MGMT: variants seen among roughly 807,000 people sequenced by gnomAD.
MGMT encodes the protein methylated-DNA--protein-cysteine methyltransferase.
Under a neutral mutation model 15.9 loss-of-function variants are expected in MGMT, and 14 were observed. That is an observed-to-expected ratio of 0.88 (90% CI 0.58 to 1.37). MGMT has a LOEUF of 1.37. MGMT is among the 40% of genes most tolerant of loss of function. The pLI, the probability that MGMT is intolerant of heterozygous loss-of-function variation, is 0.00. For missense variants in MGMT, 282 were observed against 268.1 expected, an observed-to-expected ratio of 1.05 and a Z score of -0.36; for synonymous variants, 130 against 118.2, an observed-to-expected ratio of 1.10 and a Z score of -0.65.
chr10:129,525,486 A>T (rs1845859206), intron 1 of MGMT, among the ~76,000 whole-genome samples: 1 of 152,182 alleles, frequency 6.6e-6, no homozygotes, highest in African/African-American at 2.4e-5. Context: ...GAGCCCTTTA[A>T]TAAGACGCAC....
At chr10:129,561,313 C>A (rs537005941) in intron 2 of MGMT, among the ~76,000 whole-genome samples, 183 of 152,146 alleles carry the variant, frequency 1.2e-3, no homozygotes, top group African/African-American at 4.3e-3. Flanking sequence ...AGGGGTGGGT[C>A]AGGGTGCAGG....
chr10:129,724,926 G>T (rs977705025), intron 3 of MGMT, among the ~76,000 whole-genome samples: 21 of 152,146 alleles, frequency 1.4e-4, no homozygotes, highest in African/African-American at 5.1e-4. Context: ...ACCTAGTATG[G>T]CCTCAGCGAG....
chr10:129,584,619 C>A (rs1846598023), intron 2 of MGMT, among the ~76,000 whole-genome samples: 1 of 152,044 alleles, frequency 6.6e-6, no homozygotes, highest in Admixed American at 6.6e-5. Flanking sequence ...AAAAAAGGGA[C>A]CCCAGACCTA....
rs971617041 is a variant in MGMT, at chr10:129,556,185, G to A, written c.125+19808G>A. ...CTCACAGAGACCAAGCAGTGCTTTCGGGATCGCTCTGTTGGTCTCTGTGTA... is the reference window on the plus strand; with the variant it reads ...CTCACAGAGACCAAGCAGTGCTTTCAGGATCGCTCTGTTGGTCTCTGTGTA... On this transcript the variant is annotated intron_variant, in intron 2 of 4. Coordinates refer to ENST00000651593, the MANE Select transcript of MGMT (RefSeq NM_002412.5). This position sits in a 1 kb window ranked among gnomAD's most constrained non-coding sequence, Gnocchi z 4.3. Among the ~76,000 whole-genome samples the A allele has an allele frequency of 2.0e-5, 3 of 152,132 alleles. No individual in the cohort carries two copies. The highest frequency in any genetic ancestry group is 2.9e-5 in the Non-Finnish European group (2 of 68,040).
intron 2 of MGMT, among the ~76,000 whole-genome samples, chr10:129,542,308 C>T (rs1012429042): frequency 1.4e-4 from 21 of 152,282 alleles, no homozygotes; most frequent in South Asian, 6.2e-4. Context: ...ACGGCCTCTC[C>T]GTGCAGGTCG....
intron 1 of MGMT, among the ~76,000 whole-genome samples, chr10:129,523,195 G>A (rs1292372762): frequency 1.3e-5 from 2 of 152,212 alleles, no homozygotes; most frequent in African/African-American, 2.4e-5. Flanking sequence ...TGAGATGTGC[G>A]ACCCGGCGGG....
intron 1 of MGMT, among the ~76,000 whole-genome samples, chr10:129,531,249 C>T (rs887641771): frequency 1.3e-5 from 2 of 152,086 alleles, no homozygotes; most frequent in African/African-American, 2.4e-5. Flanking sequence ...TATTACTGTG[C>T]GGGCTGTTGG....
chr10:129,493,465 AT>A (rs1460675323), intron 1 of MGMT, among the ~76,000 whole-genome samples: 1 of 152,170 alleles, frequency 6.6e-6, no homozygotes, highest in Non-Finnish European at 1.5e-5. Context: ...ACTTTGAAAC[AT>A]TGCCATTTAT....
At chr10:129,467,767 T>G (rs907134207) in intron 1 of MGMT, among the ~76,000 whole-genome samples, 2 of 152,228 alleles carry the variant, frequency 1.3e-5, no homozygotes, top group East Asian at 1.9e-4. Context: ...CTGGTTACTA[T>G]GGCTGGTGTT....
intron 2 of MGMT, among the ~76,000 whole-genome samples, chr10:129,583,361 G>A (rs1846579625): frequency 6.6e-6 from 1 of 152,216 alleles, no homozygotes; most frequent in Non-Finnish European, 1.5e-5. Context: ...TTGGGGTTCT[G>A]TGGAAATTTA....
At chr10:129,760,105 G>C (rs1416987766) in intron 4 of MGMT, among the ~76,000 whole-genome samples, 3 of 152,268 alleles carry the variant, frequency 2.0e-5, no homozygotes, top group Admixed American at 2.0e-4. Context: ...AGCGTGGCCT[G>C]TGGTGCCTGG....
chr10:129,712,929 G>A (rs954530129), intron 3 of MGMT, among the ~76,000 whole-genome samples: 1 of 152,128 alleles, frequency 6.6e-6, no homozygotes, highest in Admixed American at 6.5e-5. Context: ...CCTCACCCGA[G>A]GGTCCTAGGG....
chr10:129,638,429 C>CAAAAAAAAAAA, intron 2 of MGMT, among the ~76,000 whole-genome samples: 778 of 61,080 alleles, frequency 0.013, 37 homozygotes, highest in East Asian at 0.022. Flanking sequence ...ACCAAAGAGG[C>CAAAAAAAAAAA]AAAAAAAAAA....
chr10:129,696,855 C>T (rs1415976060), intron 2 of MGMT, among the ~76,000 whole-genome samples: 5 of 152,258 alleles, frequency 3.3e-5, no homozygotes, highest in African/African-American at 1.2e-4. Flanking sequence ...CTCACCTGTG[C>T]ATTCGTCAAG....
chr10:129,534,053 G>A (rs185366816), intron 1 of MGMT, among the ~76,000 whole-genome samples: 4 of 152,288 alleles, frequency 2.6e-5, no homozygotes, highest in African/African-American at 9.6e-5. Flanking sequence ...CCTGGTCTTT[G>A]CATACGTTCC....
At chr10:129,535,432 G>A (rs1002631406) in intron 1 of MGMT, among the ~76,000 whole-genome samples, 1 of 152,176 alleles carries the variant, frequency 6.6e-6, no homozygotes, top group African/African-American at 2.4e-5. Context: ...TGTAAAGGTA[G>A]CCTATAGATG....
At chr10:129,540,687 C>T (rs561736561) in intron 2 of MGMT, among the ~76,000 whole-genome samples, 2 of 152,370 alleles carry the variant, frequency 1.3e-5, no homozygotes, top group East Asian at 3.9e-4. Flanking sequence ...GAATTAGTCT[C>T]ATTCTGATGA....
intron 2 of MGMT, among the ~76,000 whole-genome samples, chr10:129,705,898 A>T (rs1848154780): frequency 6.6e-6 from 1 of 152,010 alleles, no homozygotes; most frequent in South Asian, 2.1e-4. Flanking sequence ...GGCCAGGGCA[A>T]CAGCCCCATC....
intron 2 of MGMT, among the ~76,000 whole-genome samples, chr10:129,606,466 T>C (rs1846892110): frequency 6.6e-6 from 1 of 152,210 alleles, no homozygotes; most frequent in African/African-American, 2.4e-5. Context: ...GGGAGGCCCC[T>C]GAGGTCTCTG....
Sources: gnomAD v4.1 joint callset for allele counts (sites outside exome capture counted in the v4.1 genomes callset) on GRCh38, gnomAD v4.1.1 for gene constraint, Gnocchi (gnomAD v3.1) non-coding constraint, MANE v1.5 for transcripts, NCBI Gene and HGNC (gene_info 2026-07-23, HGNC 2026-07-21) for gene names.